Variants in CADPS2 observed in about 807,000 individuals in gnomAD.
The protein encoded by CADPS2 is calcium-dependent secretion activator 2.
A neutral mutation model predicts 172.5 loss-of-function variants in CADPS2; 93 were observed. That is an observed-to-expected ratio of 0.54 (90% CI 0.46 to 0.64). The LOEUF is 0.64. CADPS2 is among the 30% of genes least tolerant of loss of function. The probability of loss-of-function intolerance (pLI) is 0.00; values close to 1 mark genes in which losing one functional copy is unlikely to be tolerated. For missense variants in CADPS2, 1,420 were observed against 1,565.9 expected, an observed-to-expected ratio of 0.91 and a Z score of 1.57; for synonymous variants, 546 against 555.2, an observed-to-expected ratio of 0.98 and a Z score of 0.23.
At chr7:122,438,931 GAA>G (rs5887090) in intron 16 of CADPS2, among the ~76,000 whole-genome samples, 13 of 146,764 alleles carry the variant, frequency 8.9e-5, no homozygotes, top group South Asian at 2.2e-4. Context: ...TTTGAGCTCT[GAA>G]AAAAAAAAAA....
intron 1 of CADPS2, among the ~76,000 whole-genome samples, chr7:122,824,464 G>C (rs975675197): frequency 1.4e-4 from 21 of 152,268 alleles, no homozygotes; most frequent in African/African-American, 5.1e-4. Flanking sequence ...TTGACAATCT[G>C]ATATCTCATT....
chr7:122,655,082 A>C (rs1240685655), intron 3 of CADPS2, among the ~76,000 whole-genome samples: 7 of 152,200 alleles, frequency 4.6e-5, no homozygotes, highest in Admixed American at 4.6e-4. Context: ...TCTCATGATA[A>C]AACTTGAATG....
chr7:122,354,661 A>T (rs2039138823), intron 27 of CADPS2, among the ~76,000 whole-genome samples: 1 of 152,090 alleles, frequency 6.6e-6, no homozygotes, highest in Non-Finnish European at 1.5e-5. Flanking sequence ...TAATATGAAC[A>T]TTTTCATCCT....
chr7:122,432,573 G>A (rs1415333309), intron 17 of CADPS2, among the ~76,000 whole-genome samples: 2 of 150,996 alleles, frequency 1.3e-5, no homozygotes, highest in African/African-American at 2.4e-5. Flanking sequence ...CTCGGGAGGC[G>A]GAGGTTGCAG....
chr7:122,416,280 G>T, intron 17 of CADPS2, 116 bp from the exon 18 acceptor site: 1 of 429,416 alleles, frequency 2.3e-6, no homozygotes, highest in Non-Finnish European at 4.0e-6. Context: ...AAATACAAAT[G>T]AATACATTAT....
intron 6 of CADPS2, among the ~76,000 whole-genome samples, chr7:122,597,833 C>T (rs1224298066): frequency 6.6e-6 from 1 of 151,758 alleles, no homozygotes; most frequent in Non-Finnish European, 1.5e-5. Context: ...CCAATTTACT[C>T]AGGTATAAAT....
intron 2 of CADPS2, among the ~76,000 whole-genome samples, chr7:122,674,714 C>T (rs750128251): frequency 6.6e-6 from 1 of 152,082 alleles, no homozygotes; most frequent in African/African-American, 2.4e-5. Flanking sequence ...TTTATAATGA[C>T]GAGAAAAACA....
intron 9 of CADPS2, among the ~76,000 whole-genome samples, chr7:122,503,313 T>C (rs753429861): frequency 6.6e-6 from 1 of 152,092 alleles, no homozygotes; most frequent in Non-Finnish European, 1.5e-5. Context: ...GGATTACAGG[T>C]GTGAGCCACT....
intron 27 of CADPS2, among the ~76,000 whole-genome samples, chr7:122,347,092 G>A (rs183972757): frequency 1.8e-4 from 28 of 152,242 alleles, no homozygotes; most frequent in African/African-American, 7.2e-5. Flanking sequence ...GCATCATTTC[G>A]TATTCACAGA....
At chr7:122,468,881 C>T (rs995317659) in intron 14 of CADPS2, among the ~76,000 whole-genome samples, 3 of 152,108 alleles carry the variant, frequency 2.0e-5, no homozygotes, top group African/African-American at 7.2e-5. Context: ...TCCCTCAACC[C>T]TATATTTCTT....
chr7:122,831,027 T>G (rs1806380281), intron 1 of CADPS2, among the ~76,000 whole-genome samples: 1 of 152,034 alleles, frequency 6.6e-6, no homozygotes, highest in African/African-American at 2.4e-5. Flanking sequence ...ATGGAGAAAT[T>G]AAAATTTAGG....
intron 1 of CADPS2, among the ~76,000 whole-genome samples, chr7:122,743,980 C>T (rs1015607569): frequency 2.0e-5 from 3 of 152,200 alleles, no homozygotes; most frequent in African/African-American, 7.2e-5. Flanking sequence ...TTCCTGTCCT[C>T]TTCCATAAGC....
chr7:122,652,130 C>A (rs1193187968), intron 3 of CADPS2, among the ~76,000 whole-genome samples: 1 of 152,198 alleles, frequency 6.6e-6, no homozygotes, highest in East Asian at 1.9e-4. Context: ...AGATTAACCA[C>A]ACCACTATAG....
At chr7:122,432,964 A>G (rs1446001215) in intron 17 of CADPS2, among the ~76,000 whole-genome samples, 1 of 152,000 alleles carries the variant, frequency 6.6e-6, no homozygotes, top group Non-Finnish European at 1.5e-5. Context: ...ATAACATGAT[A>G]TAACTAATAT....
intron 2 of CADPS2, among the ~76,000 whole-genome samples, chr7:122,705,911 T>A (rs866181778): frequency 0.017 from 20 of 1,182 alleles, 5 homozygotes; most frequent in Admixed American, 0.062. Context: ...ATATAATATA[T>A]TATATAATAT....
chr7:122,676,402 G>A (rs1001731442), intron 2 of CADPS2, among the ~76,000 whole-genome samples: 3 of 152,282 alleles, frequency 2.0e-5, no homozygotes, highest in South Asian at 2.1e-4. Context: ...GAGAAAACAA[G>A]AGCCAAATGT....
intron 2 of CADPS2, among the ~76,000 whole-genome samples, chr7:122,718,632 TA>T (rs2089984408): frequency 1.3e-5 from 2 of 152,156 alleles, no homozygotes; most frequent in South Asian, 4.1e-4. Flanking sequence ...GAAATGAGGA[TA>T]CAAGAGTTGG....
intron 3 of CADPS2, among the ~76,000 whole-genome samples, chr7:122,636,882 G>A (rs186602675): frequency 1.0e-3 from 152 of 152,070 alleles, no homozygotes; most frequent in African/African-American, 3.1e-3. Context: ...TCTTAAATTT[G>A]TACGTCCAAC....
chr7:122,470,789 C>T (rs112267157), intron 14 of CADPS2, among the ~76,000 whole-genome samples: 2 of 152,186 alleles, frequency 1.3e-5, no homozygotes, highest in African/African-American at 2.4e-5. Flanking sequence ...AGCCACCACA[C>T]GCGGCATGAT....
Sources: gnomAD v4.1 joint callset for allele counts (sites outside exome capture counted in the v4.1 genomes callset) on GRCh38, gnomAD v4.1.1 for gene constraint, MANE v1.5 for transcripts, NCBI Gene and HGNC (gene_info 2026-07-23, HGNC 2026-07-21) for gene names.